Variants in MACF1 observed in about 807,000 individuals in gnomAD.
MACF1 encodes the protein microtubule actin crosslinking factor 1.
Under a neutral mutation model 854.8 loss-of-function variants are expected in MACF1, and 193 were observed. That is an observed-to-expected ratio of 0.23 (90% CI 0.20 to 0.25). The LOEUF (loss-of-function observed/expected upper bound fraction) is 0.25, where lower values mean the gene tolerates loss of function less well. Ranked by LOEUF, MACF1 falls within the 10% of genes least tolerant of loss-of-function variation. MACF1 has a pLI of 1.00. For synonymous variants in MACF1, 3,185 were observed against 3,226.7 expected, an observed-to-expected ratio of 0.99 and a Z score of 0.44; for missense variants, 7,722 against 8,929.1, an observed-to-expected ratio of 0.86 and a Z score of 5.45.
At chr1:39,451,334 C>T in intron 85 of MACF1, 123 bp downstream of exon 85, 1 of 1,014,116 alleles carries the variant, frequency 9.9e-7, no homozygotes, top group Non-Finnish European at 1.4e-6. Flanking sequence ...CTGACAGTTG[C>T]TTTGTGTGTT....
intron 79 of MACF1, 43 bp from the exon 80 acceptor site, chr1:39,444,619 A>G (rs369713492): frequency 6.4e-7 from 1 of 1,563,832 alleles, no homozygotes; most frequent in Non-Finnish European, 8.7e-7. Flanking sequence ...GGTGTCTTCC[A>G]GAGAATTCGT....
intron 1 of MACF1, among the ~76,000 whole-genome samples, chr1:39,205,363 G>A (rs1644438209): frequency 6.6e-6 from 1 of 152,168 alleles, no homozygotes; most frequent in South Asian, 2.1e-4. Flanking sequence ...TCTGTCTGGA[G>A]AGTGCTGGTT....
At chr1:39,151,276 C>A (rs758183071) in intron 2 of MACF1, among the ~76,000 whole-genome samples, 2 of 152,168 alleles carry the variant, frequency 1.3e-5, no homozygotes, top group Non-Finnish European at 2.9e-5. Context: ...AATCTGTGTC[C>A]TTTCCTTTGT....
intron 6 of MACF1, among the ~76,000 whole-genome samples, chr1:39,262,509 T>C (rs527329627): frequency 1.4e-4 from 21 of 149,434 alleles, no homozygotes; most frequent in African/African-American, 5.2e-4. Flanking sequence ...AGACATACCA[T>C]AAAATAACTT....
chr1:39,356,232 A>G (rs1647552395), intron 44 of MACF1, among the ~76,000 whole-genome samples: 1 of 152,226 alleles, frequency 6.6e-6, no homozygotes, highest in African/African-American at 2.4e-5. Context: ...GACACAGTAC[A>G]TACAAATAAA....
intron 58 of MACF1, among the ~76,000 whole-genome samples, chr1:39,403,838 G>T (rs569487735): frequency 0.044 from 5,549 of 125,362 alleles, 150 homozygotes; most frequent in Non-Finnish European, 0.063. Flanking sequence ...AAAAATTTTT[G>T]GGCGGGGGGG....
chr1:39,459,820 G>T, intron 91 of MACF1: 1 of 1,304,128 alleles, frequency 7.7e-7, no homozygotes, highest in Non-Finnish European at 1.0e-6. Context: ...TATCAAAGCA[G>T]CTATGCCTGG....
chr1:39,410,099 C>G, intron 58 of MACF1: 1 of 519,696 alleles, frequency 1.9e-6, no homozygotes, highest in South Asian at 3.7e-5. Flanking sequence ...GAGCTTCTCC[C>G]AGAATGGTTT....
At chr1:39,349,671 C>T (rs568706998) in intron 42 of MACF1, 44 bp downstream of exon 42, 36 of 1,601,392 alleles carry the variant, frequency 2.2e-5, no homozygotes, top group East Asian at 2.2e-4. Context: ...CTCGCTCTAT[C>T]GCTTAGGCTG....
At chr1:39,413,825 C>T (rs1412490705) in intron 58 of MACF1, 8 of 1,611,548 alleles carry the variant, frequency 5.0e-6, no homozygotes, top group Non-Finnish European at 6.8e-6. Flanking sequence ...TCCTTTGCAG[C>T]TGTGGTGGCC....
intron 89 of MACF1, among the ~76,000 whole-genome samples, chr1:39,455,874 C>G (rs917766584): frequency 4.6e-5 from 7 of 152,320 alleles, no homozygotes; most frequent in African/African-American, 1.4e-4. Flanking sequence ...ATCATTTATA[C>G]TGAATTCAAG....
At position 39,378,347 on chromosome 1, in the gene MACF1, T is replaced by C. The variant is rs1649892210; in HGVS notation, c.13214-114T>C. ...TCCATGAGTATGTTGTCTTGTGCTG[T>C]GTTAACTTCCTGATACCTAAGCTTA... is the stretch of plus-strand genomic sequence containing the variant. On this transcript the variant is annotated intron_variant, in intron 52 of 100. Coordinates refer to ENST00000564288, the MANE Select transcript of MACF1 (RefSeq NM_001394062.1). 3 of 704,928 alleles carry C rather than the reference T, an allele frequency of 4.3e-6. No individual in the cohort carries two copies. The South Asian group carries it at 4.9e-5, about 11-fold the overall frequency. 43.7% of individuals were successfully genotyped at this position (704,928 alleles called of 1,614,324 possible).
intron 97 of MACF1, among the ~76,000 whole-genome samples, chr1:39,475,247 A>C (rs1419541256): frequency 6.6e-6 from 1 of 152,194 alleles, no homozygotes; most frequent in Admixed American, 6.5e-5. Flanking sequence ...ATAAGCAGTG[A>C]AACACCATGG....
At chr1:39,345,151 AT>A (rs1647016966) in intron 40 of MACF1, among the ~76,000 whole-genome samples, 1 of 152,228 alleles carries the variant, frequency 6.6e-6, no homozygotes, top group Admixed American at 6.5e-5. Context: ...ATAATTGATA[AT>A]CACTAGATGT....
At chr1:39,160,460 C>G (rs1373945499) in intron 2 of MACF1, among the ~76,000 whole-genome samples, 3 of 152,224 alleles carry the variant, frequency 2.0e-5, no homozygotes, top group African/African-American at 7.2e-5. Context: ...CACTACTACT[C>G]ACCTTGAATG....
intron 2 of MACF1, among the ~76,000 whole-genome samples, chr1:39,165,984 A>G (rs1643877869): frequency 6.6e-6 from 1 of 151,970 alleles, no homozygotes; most frequent in Non-Finnish European, 1.5e-5. Flanking sequence ...GAACTTTCTG[A>G]CAGGATACAA....
rs187239415 is a variant in MACF1 at position 39,421,014 on chromosome 1, C to T, written c.15817-1360C>T. On this transcript the variant is annotated intron_variant, in intron 58 of 100. Transcript: ENST00000564288. ...CCGAGTAGCTGGGACTACAGGTGCC[C>T]GCCACCATGCCCGTCTAATTTTTTG... is the stretch of plus-strand genomic sequence containing the variant. 3.9e-5 allele frequency among the ~76,000 whole-genome samples: 6 copies of T among 152,010 alleles called. No homozygotes were observed. In the South Asian group the frequency reaches 6.2e-4, roughly 16 times the overall value.
Position 39,317,416 on chromosome 1 carries a change from T to C in MACF1, c.3782+9T>C, listed in dbSNP as rs1435341123. On this transcript the variant is annotated intron_variant, in intron 29 of 100. Coordinates refer to ENST00000564288, the MANE Select transcript of MACF1 (RefSeq NM_001394062.1). ...GCCCAGCTCGAGATTCGGTGAGTGG[T>C]GGCCCCACCTTTTTCTCCTATTAGA... 3.1e-6 allele frequency: 5 copies of C among 1,610,392 alleles called. No individual in the cohort carries two copies. The highest frequency in any genetic ancestry group is 2.5e-6 in the Non-Finnish European group (3 of 1,179,132).
intron 84 of MACF1, among the ~76,000 whole-genome samples, chr1:39,450,061 A>T (rs2148677117): frequency 6.6e-6 from 1 of 151,420 alleles, no homozygotes; most frequent in South Asian, 2.1e-4. Context: ...ACGGGGTTTC[A>T]CCATATTGGC....
Sources: gnomAD v4.1 joint callset for allele counts (sites outside exome capture counted in the v4.1 genomes callset) on GRCh38, gnomAD v4.1.1 for gene constraint, MANE v1.5 for transcripts, NCBI Gene and HGNC (gene_info 2026-07-23, HGNC 2026-07-21) for gene names.